The following MAP4K5 variants were observed in gnomAD, a reference collection of about 807,000 sequenced individuals.
MAP4K5 encodes mitogen-activated protein kinase kinase kinase kinase 5.
In MAP4K5, 82 loss-of-function variants were observed where a neutral mutation model predicts 135.6. The observed-to-expected ratio is 0.60, with a 90% CI of 0.51 to 0.73. MAP4K5 has a LOEUF of 0.73. Ranked by LOEUF, MAP4K5 falls within the 30% of genes least tolerant of loss-of-function variation. The pLI is 0.00. For missense variants in MAP4K5, 907 were observed against 1,010.9 expected (o/e 0.90, Z 1.39); for synonymous variants, 347 against 335.0 (o/e 1.04, Z -0.39).
intron 1 of MAP4K5, chr14:50,559,931 GA>G (rs2038813854): frequency 5.1e-6 from 2 of 395,906 alleles, no homozygotes; most frequent in South Asian, 5.8e-5. Flanking sequence ...GAGTGTGTTC[GA>G]GGGGGGTGCT....
intron 17 of MAP4K5, among the ~76,000 whole-genome samples, chr14:50,445,620 A>T (rs2036330229): frequency 6.6e-6 from 1 of 152,098 alleles, no homozygotes; most frequent in African/African-American, 2.4e-5. Context: ...CCCAGGCTGG[A>T]GTGCAGTGGC....
chr14:50,537,521 TG>T (rs2038510038), upstream of MAP4K5, among the ~76,000 whole-genome samples: 2 of 152,140 alleles, frequency 1.3e-5, no homozygotes, highest in Non-Finnish European at 2.9e-5. Context: ...CACAGAATGG[TG>T]GATCCACTGA....
At chr14:50,453,806 T>C (rs1463859140) in intron 14 of MAP4K5, among the ~76,000 whole-genome samples, 2 of 152,158 alleles carry the variant, frequency 1.3e-5, no homozygotes, top group Non-Finnish European at 2.9e-5. Flanking sequence ...AAATCCTGTA[T>C]TTCTTTTCCC....
chr14:50,480,231 G>A (rs931803675), intron 6 of MAP4K5, among the ~76,000 whole-genome samples: 1 of 151,858 alleles, frequency 6.6e-6, no homozygotes, highest in Non-Finnish European at 1.5e-5. Flanking sequence ...GGTACAGGCG[G>A]CAATGTGAAA....
intron 14 of MAP4K5, chr14:50,456,313 A>G (rs569571814): frequency 7.4e-6 from 4 of 537,230 alleles, no homozygotes; most frequent in South Asian, 4.8e-5. Flanking sequence ...GATTTTGTCC[A>G]TAACTGGAAA....
At chr14:50,557,150 G>A (rs1368576741) in intron 1 of MAP4K5, among the ~76,000 whole-genome samples, 2 of 152,136 alleles carry the variant, frequency 1.3e-5, no homozygotes, top group African/African-American at 4.8e-5. Context: ...ACCAACACTT[G>A]TTATTATCTT....
intron 13 of MAP4K5, among the ~76,000 whole-genome samples, chr14:50,459,538 T>A (rs550101291): frequency 4.2e-4 from 64 of 152,328 alleles, no homozygotes; most frequent in African/African-American, 1.5e-3. Context: ...ATTTTGATTA[T>A]GTCACTCCCT....
intron 3 of MAP4K5, among the ~76,000 whole-genome samples, chr14:50,496,704 C>A (rs960071665): frequency 2.0e-5 from 3 of 151,584 alleles, no homozygotes; most frequent in Non-Finnish European, 4.4e-5. Flanking sequence ...AAGACTGGGT[C>A]TTATCATGTT....
chr14:50,544,754 T>C (rs2038606598), intron 1 of MAP4K5, among the ~76,000 whole-genome samples: 1 of 151,704 alleles, frequency 6.6e-6, no homozygotes, highest in African/African-American at 2.4e-5. Flanking sequence ...GGGAACATAG[T>C]GAGAACTCAT....
intron 3 of MAP4K5, among the ~76,000 whole-genome samples, chr14:50,486,535 T>G (rs568631384): frequency 1.3e-5 from 2 of 152,278 alleles, no homozygotes; most frequent in South Asian, 2.1e-4. Context: ...TGAAAAAGAT[T>G]ATATATTATT....
chr14:50,445,773 G>A (rs1367882584), intron 17 of MAP4K5, among the ~76,000 whole-genome samples: 1 of 151,994 alleles, frequency 6.6e-6, no homozygotes, highest in Non-Finnish European at 1.5e-5. Context: ...TCACCACTTG[G>A]CCAGGCTGGT....
chr14:50,440,727 C>T (rs749335354), intron 21 of MAP4K5, among the ~76,000 whole-genome samples: 28 of 152,082 alleles, frequency 1.8e-4, no homozygotes, highest in Non-Finnish European at 3.7e-4. Flanking sequence ...TATAGTTACA[C>T]ATTTTTGCAA....
chr14:50,448,900 C>G, intron 14 of MAP4K5, 68 bp from the exon 15 acceptor site: 1 of 580,616 alleles, frequency 1.7e-6, no homozygotes, highest in Non-Finnish European at 3.0e-6. Flanking sequence ...AATGTAATGA[C>G]AAGTTTGTAT....
At chr14:50,445,016 T>A in intron 18 of MAP4K5, 25 bp downstream of exon 18, 1 of 1,607,556 alleles carries the variant, frequency 6.2e-7, no homozygotes, top group Non-Finnish European at 8.5e-7. Context: ...ATGTACCCCA[T>A]GGCTGCTAAT....
intron 17 of MAP4K5, among the ~76,000 whole-genome samples, chr14:50,445,862 C>T (rs1357630203): frequency 3.9e-5 from 6 of 152,138 alleles, no homozygotes; most frequent in African/African-American, 4.8e-5. Flanking sequence ...CCACCAACCA[C>T]GCCTGGCCGC....
intron 31 of MAP4K5, 89 bp from the exon 32 acceptor site, chr14:50,423,265 C>G: frequency 3.6e-6 from 2 of 557,778 alleles, no homozygotes; most frequent in Non-Finnish European, 6.5e-6. Flanking sequence ...ATTATTAACA[C>G]AATAAATATT....
chr14:50,533,332 C>T (rs1238585553), upstream of MAP4K5: 1 of 152,094 alleles, frequency 6.6e-6, no homozygotes, highest in Non-Finnish European at 1.5e-5. Flanking sequence ...GCATATTTGG[C>T]AACATCTCGG....
intron 2 of MAP4K5, among the ~76,000 whole-genome samples, chr14:50,516,181 C>A (rs996282006): frequency 6.6e-6 from 1 of 152,182 alleles, no homozygotes; most frequent in African/African-American, 2.4e-5. Context: ...CCATTAGGAA[C>A]TGGTAAACTA....
intron 2 of MAP4K5, among the ~76,000 whole-genome samples, chr14:50,537,755 A>C (rs1039292928): frequency 6.6e-6 from 1 of 152,226 alleles, no homozygotes; most frequent in Admixed American, 6.5e-5. Context: ...TCAGACTTGC[A>C]GGGGGCCTGT....
Sources: allele counts gnomAD v4.1 joint callset (sites outside exome capture counted in the v4.1 genomes callset), GRCh38; gene constraint gnomAD v4.1.1; transcripts MANE v1.5; gene names NCBI Gene and HGNC (gene_info 2026-07-23, HGNC 2026-07-21).